The following PTP4A2 variants were observed in gnomAD, a reference collection of about 807,000 sequenced individuals.
PTP4A2 encodes the protein protein tyrosine phosphatase type IVA 2.
Under a neutral mutation model 22.9 loss-of-function variants are expected in PTP4A2, and 2 were observed. That is an observed-to-expected ratio of 0.09 (90% CI 0.04 to 0.27). The LOEUF is 0.27. Ranked by LOEUF, PTP4A2 falls within the 10% of genes least tolerant of loss-of-function variation. The probability of loss-of-function intolerance (pLI) is 1.00; values close to 1 mark genes in which losing one functional copy is unlikely to be tolerated. For missense variants in PTP4A2, 103 were observed against 205.1 expected (o/e 0.50, Z 3.04); for synonymous variants, 68 against 69.1 (o/e 0.98, Z 0.08).
chr1:31,911,454 G>A (rs1651530182), intron 4 of PTP4A2, among the ~76,000 whole-genome samples: 1 of 152,098 alleles, frequency 6.6e-6, no homozygotes. Context: ...TTGATTACTT[G>A]AAATAGGGAG....
At chr1:31,927,970 T>C (rs1289332227) in intron 1 of PTP4A2, among the ~76,000 whole-genome samples, 2 of 152,014 alleles carry the variant, frequency 1.3e-5, no homozygotes, top group East Asian at 1.9e-4. Flanking sequence ...GTTTAATTAG[T>C]AAACACGCAT....
At chr1:31,927,530 G>A (rs1422046591) in intron 1 of PTP4A2, among the ~76,000 whole-genome samples, 1 of 151,898 alleles carries the variant, frequency 6.6e-6, no homozygotes, top group Non-Finnish European at 1.5e-5. Context: ...TGAAAAAGGA[G>A]AGAAAAAAAG....
At chr1:31,929,862 C>T (rs1046532635) in intron 1 of PTP4A2, among the ~76,000 whole-genome samples, 2 of 152,138 alleles carry the variant, frequency 1.3e-5, no homozygotes, top group Admixed American at 1.3e-4. Context: ...CTGTCAACAC[C>T]ACATTGAAAT....
Position 31,906,751 on chromosome 1 carries a change from C to A in PTP4A2, c.*2101G>T, listed in dbSNP as rs1557857636. The A allele has an allele frequency of 1.2e-5, 1 of 83,734 alleles. No individual in the cohort carries two copies. Among genetic ancestry groups the A allele is most frequent in the African/African-American group, 4.6e-5 (1 of 21,568 alleles). The allele number at this position is 83,734 out of a possible 1,614,324, so 5.2% of individuals were successfully genotyped here. A position where few individuals can be genotyped will look rare whatever the true frequency, so the allele number is the denominator to read the frequency against. ...CACTGCGCGTGCACACACACACACA[C>A]ACATACACACACACACACACACACA... On this transcript the variant is annotated 3_prime_UTR_variant, in exon 6 of 6. Coordinates refer to ENST00000647444, the MANE Select transcript of PTP4A2 (RefSeq NM_080391.4).
At chr1:31,909,001 G>A (rs1651390162) in intron 5 of PTP4A2, 41 bp from the exon 6 acceptor site, 1 of 1,419,246 alleles carries the variant, frequency 7.0e-7, no homozygotes, top group Non-Finnish European at 1.0e-6. Flanking sequence ...TGTAAAAAAA[G>A]AGCTGTCTGA....
chr1:31,931,820 T>C (rs879759909), intron 1 of PTP4A2, among the ~76,000 whole-genome samples: 4 of 152,236 alleles, frequency 2.6e-5, no homozygotes, highest in African/African-American at 7.2e-5. Flanking sequence ...CCTTCTCTAT[T>C]TGCTGACAAA....
chr1:31,911,647 G>T, intron 4 of PTP4A2, 49 bp downstream of exon 4: 2 of 1,486,394 alleles, frequency 1.3e-6, no homozygotes, highest in Non-Finnish European at 1.8e-6. Context: ...AACTAACTTA[G>T]GCATGGTAAT....
Position 31,909,087 on chromosome 1 carries a change from TACAACAA to T in PTP4A2, c.396-134_396-128del, listed in dbSNP as rs1651394424. ...CTGAAAACCAGCATATTTCCCATAC[TACAACAA>T]TTCTTAAAGAGCTAAGTTGCAACAT... On this transcript the variant is annotated intron_variant, in intron 5 of 5. Transcript: ENST00000647444. The T allele has an allele frequency of 4.3e-6, 3 of 692,984 alleles. No homozygotes were observed. In the African/African-American group the frequency reaches 5.4e-5, roughly 13 times the overall value. 42.9% of individuals were successfully genotyped at this position (692,984 alleles called of 1,614,324 possible). A position where few individuals can be genotyped will look rare whatever the true frequency, so the allele number is the denominator to read the frequency against.
intron 1 of PTP4A2, among the ~76,000 whole-genome samples, chr1:31,928,151 T>C (rs1001558814): frequency 4.7e-5 from 7 of 148,080 alleles, no homozygotes; most frequent in Non-Finnish European, 1.0e-4. Flanking sequence ...AACTTAGATT[T>C]AAATTAATAT....
chr1:31,912,671 C>A (rs942778211), intron 3 of PTP4A2, among the ~76,000 whole-genome samples: 1 of 152,132 alleles, frequency 6.6e-6, no homozygotes, highest in African/African-American at 2.4e-5. Flanking sequence ...ATTTTACAAG[C>A]CTTCCCTCCT....
At chr1:31,916,048 G>A in intron 2 of PTP4A2, 61 bp from the exon 3 acceptor site, 1 of 1,184,248 alleles carries the variant, frequency 8.4e-7, no homozygotes, top group Non-Finnish European at 1.2e-6. Flanking sequence ...CAAAAATGTA[G>A]AAATGTACTA....
chr1:31,910,218 C>T, intron 4 of PTP4A2, 106 bp from the exon 5 acceptor site: 1 of 763,936 alleles, frequency 1.3e-6, no homozygotes, highest in Non-Finnish European at 2.2e-6. Context: ...CTTTCTTTTT[C>T]CTGTATACTA....
chr1:31,922,584 TTGTTTCTTTCTTTCTTTC>T (rs1427213778), intron 1 of PTP4A2, among the ~76,000 whole-genome samples: 4 of 139,268 alleles, frequency 2.9e-5, no homozygotes, highest in African/African-American at 1.1e-4. Flanking sequence ...AAACCCAGGT[TTGTTTCTTTCTTTCTTTC>T]TTTCTTTCTT....
intron 1 of PTP4A2, 152 bp downstream of exon 1, chr1:31,937,834 TC>T (rs1653013070): frequency 6.7e-6 from 1 of 149,810 alleles, no homozygotes; most frequent in South Asian, 2.1e-4. Context: ...CGCCCCTCGC[TC>T]ACCCACCCTC....
intron 5 of PTP4A2, among the ~76,000 whole-genome samples, chr1:31,909,409 C>G (rs1651412130): frequency 6.6e-6 from 1 of 152,080 alleles, no homozygotes; most frequent in South Asian, 2.1e-4. Flanking sequence ...GGCGTGGTGG[C>G]TCACGCCTGT....
At chr1:31,919,730 A>G (rs1652038813) in intron 1 of PTP4A2, 72 bp from the exon 2 acceptor site, 1 of 152,608 alleles carries the variant, frequency 6.6e-6, no homozygotes, top group South Asian at 2.1e-4. Context: ...CTGAAGTCAA[A>G]ATACATTCTT....
At chr1:31,921,451 G>C (rs1009458921) in intron 1 of PTP4A2, 13 of 151,970 alleles carry the variant, frequency 8.6e-5, no homozygotes, top group Admixed American at 7.2e-4. Context: ...ATTATTTGAA[G>C]GTCACTGATT....
In PTP4A2 at chr1:31,906,741, C is replaced by T. The variant is rs1338316524; in HGVS notation, c.*2111G>A. 3 of 111,268 alleles carry T rather than the reference C, an allele frequency of 2.7e-5. No individual in the cohort carries two copies. Among genetic ancestry groups the T allele is most frequent in the Non-Finnish European group, 5.4e-5 (3 of 55,314 alleles). 6.9% of individuals were successfully genotyped at this position (111,268 alleles called of 1,614,324 possible). On this transcript the variant is annotated 3_prime_UTR_variant, in exon 6 of 6. Transcript: ENST00000647444. ...TACTGATGGACACTGCGCGTGCACACACACACACACACATACACACACACA... is the reference window on the plus strand; with the variant it reads ...TACTGATGGACACTGCGCGTGCACATACACACACACACATACACACACACA...
intron 2 of PTP4A2, among the ~76,000 whole-genome samples, chr1:31,916,271 G>A (rs1651829598): frequency 6.8e-6 from 1 of 147,230 alleles, no homozygotes; most frequent in Admixed American, 6.8e-5. Context: ...CTTGAACCCA[G>A]GAGGCAGATA....
Sources: allele counts gnomAD v4.1 joint callset (sites outside exome capture counted in the v4.1 genomes callset), GRCh38; gene constraint gnomAD v4.1.1; transcripts MANE v1.5; gene names NCBI Gene and HGNC (gene_info 2026-07-23, HGNC 2026-07-21).